Variants in TTC27 observed in about 807,000 individuals in gnomAD.
TTC27 encodes the protein tetratricopeptide repeat domain 27, also known as tetratricopeptide repeat protein 27.
TTC27 carries 79 observed loss-of-function variants against 115.9 expected under a neutral mutation model. The observed-to-expected ratio is 0.68, with a 90% CI of 0.57 to 0.82. The LOEUF is 0.82. TTC27 is among the 40% of genes least tolerant of loss of function. The pLI is 0.00. For missense variants in TTC27, 1,054 were observed against 993.1 expected (o/e 1.06, Z -0.82); for synonymous variants, 401 against 356.0 (o/e 1.13, Z -1.42).
At chr2:32,726,742 A>G (rs1290700608) in intron 10 of TTC27, among the ~76,000 whole-genome samples, 1 of 152,126 alleles carries the variant, frequency 6.6e-6, no homozygotes, top group Non-Finnish European at 1.5e-5. Flanking sequence ...ACTGGTACCA[A>G]TTTACTGTGT....
chr2:32,660,152 C>T (rs1665484072), intron 5 of TTC27, among the ~76,000 whole-genome samples: 1 of 152,148 alleles, frequency 6.6e-6, no homozygotes, highest in East Asian at 1.9e-4. Flanking sequence ...AGTGTTCCTA[C>T]TTCTCCACAT....
intron 16 of TTC27, among the ~76,000 whole-genome samples, chr2:32,805,110 C>T (rs917480572): frequency 4.6e-5 from 7 of 152,322 alleles, no homozygotes; most frequent in African/African-American, 1.4e-4. Flanking sequence ...GGATCCAGGA[C>T]TCAGACTGAA....
At chr2:32,743,969 G>T (rs545853059) in intron 12 of TTC27, among the ~76,000 whole-genome samples, 187 of 152,268 alleles carry the variant, frequency 1.2e-3, no homozygotes, top group African/African-American at 4.2e-3. Flanking sequence ...TGTGACTTTA[G>T]TATTAGTTCC....
chr2:32,737,761 G>A (rs11124292), intron 12 of TTC27, among the ~76,000 whole-genome samples: 24,739 of 152,030 alleles, frequency 0.16, 2,439 homozygotes, highest in South Asian at 0.36. Context: ...CTAACACCTC[G>A]AGAAGCTGAG....
rs547718057 is a variant in TTC27 at position 32,665,271 on chromosome 2, C to A, written c.805+804C>A. On this transcript the variant is annotated intron_variant, in intron 6 of 19. Transcript: ENST00000317907. ...CCTTTTGTTACATTGTGTGTGTGGGCAAAATTGTTTAATATCCAGCTTATA... is the reference window on the plus strand; with the variant it reads ...CCTTTTGTTACATTGTGTGTGTGGGAAAAATTGTTTAATATCCAGCTTATA... 4.6e-5 allele frequency among the ~76,000 whole-genome samples: 7 copies of A among 152,138 alleles called. No individual in the cohort carries two copies. In the East Asian group the frequency reaches 1.4e-3, roughly 29 times the overall value.
At chr2:32,719,864 C>T (rs1667866358) in intron 10 of TTC27, among the ~76,000 whole-genome samples, 1 of 152,092 alleles carries the variant, frequency 6.6e-6, no homozygotes, top group South Asian at 2.1e-4. Flanking sequence ...GGTTTATGCC[C>T]ACCTGCCACC....
intron 8 of TTC27, among the ~76,000 whole-genome samples, chr2:32,677,452 TTTC>T (rs1459267522): frequency 3.3e-5 from 5 of 151,986 alleles, no homozygotes; most frequent in African/African-American, 1.2e-4. Flanking sequence ...GCCAAACTGT[TTTC>T]TTCTTTTTTT....
chr2:32,817,736 C>A (rs1486157882), intron 19 of TTC27, among the ~76,000 whole-genome samples, 179 bp downstream of exon 19: 2 of 152,172 alleles, frequency 1.3e-5, no homozygotes, highest in Admixed American at 1.3e-4. Context: ...AATGGATAGA[C>A]CACTCTAAAT....
intron 13 of TTC27, among the ~76,000 whole-genome samples, chr2:32,770,456 G>A (rs1408720479): frequency 6.6e-6 from 1 of 152,192 alleles, no homozygotes; most frequent in Non-Finnish European, 1.5e-5. Flanking sequence ...ATGCTAGGAC[G>A]TAATGGCAGA....
At chr2:32,671,418 CCA>C (rs1396394067) in intron 7 of TTC27, among the ~76,000 whole-genome samples, 1 of 152,124 alleles carries the variant, frequency 6.6e-6, no homozygotes, top group African/African-American at 2.4e-5. Context: ...AAGCTTCCTC[CCA>C]CCTTGGCCTC....
chr2:32,749,278 A>C (rs557280587), intron 12 of TTC27, among the ~76,000 whole-genome samples: 3 of 152,306 alleles, frequency 2.0e-5, no homozygotes, highest in Admixed American at 6.5e-5. Flanking sequence ...GAGCTTTTCC[A>C]GGGAATCACT....
At chr2:32,818,058 C>CA (rs777610277) in intron 19 of TTC27, among the ~76,000 whole-genome samples, 1,686 of 132,884 alleles carry the variant, frequency 0.013, 13 homozygotes, top group Non-Finnish European at 0.019. Context: ...TACCATGTCC[C>CA]AAAAAAAAAA....
At chr2:32,656,754 C>G (rs181029993) in intron 5 of TTC27, among the ~76,000 whole-genome samples, 209 of 152,280 alleles carry the variant, frequency 1.4e-3, no homozygotes, top group African/African-American at 4.8e-3. Flanking sequence ...TTCTACCCAT[C>G]TTTTAAGGCC....
At chr2:32,796,007 A>G (rs1365943672) in intron 16 of TTC27, among the ~76,000 whole-genome samples, 1 of 152,322 alleles carries the variant, frequency 6.6e-6, no homozygotes, top group East Asian at 1.9e-4. Flanking sequence ...CCAAATTGGT[A>G]AGAAATAAAA....
At chr2:32,781,192 T>A (rs1199967722) in intron 14 of TTC27, among the ~76,000 whole-genome samples, 1 of 152,174 alleles carries the variant, frequency 6.6e-6, no homozygotes, top group Non-Finnish European at 1.5e-5. Context: ...GTTCCAGCAG[T>A]CAGGCTGCTT....
Position 32,666,855 on chromosome 2 carries a change from T to C in TTC27, c.939+87T>C, listed in dbSNP as rs935008575. 8.1e-5 allele frequency: 116 copies of C among 1,439,784 alleles called. 1 individual carries two copies. The highest frequency in any genetic ancestry group is 9.8e-5 in the Non-Finnish European group (105 of 1,067,286). The allele number at this position is 1,439,784 out of a possible 1,614,324, so 89.2% of individuals were successfully genotyped here. A position where few individuals can be genotyped will look rare whatever the true frequency, so the allele number is the denominator to read the frequency against. ...GAGTACCATAGAAACACTGAATGGG[T>C]TGGGGACAGACTTCATTTTATTCTT... is the stretch of plus-strand genomic sequence containing the variant. On this transcript the variant is annotated intron_variant, in intron 7 of 19. Coordinates refer to ENST00000317907, the MANE Select transcript of TTC27 (RefSeq NM_017735.5).
At chr2:32,656,334 G>A (rs1367405507) in intron 5 of TTC27, among the ~76,000 whole-genome samples, 1 of 152,150 alleles carries the variant, frequency 6.6e-6, no homozygotes, top group African/African-American at 2.4e-5. Flanking sequence ...TGAACCGGGA[G>A]GTCAGAGAAA....
chr2:32,726,460 T>G (rs949335564), intron 10 of TTC27, among the ~76,000 whole-genome samples: 3 of 152,188 alleles, frequency 2.0e-5, no homozygotes, highest in African/African-American at 7.2e-5. Context: ...ATGCCTCTAG[T>G]CTCTGTGCTA....
chr2:32,673,058 T>C, intron 8 of TTC27, among the ~76,000 whole-genome samples: 1 of 152,200 alleles, frequency 6.6e-6, no homozygotes, highest in East Asian at 1.9e-4. Flanking sequence ...ATGTATTACA[T>C]TTAGTTTTCT....
Sources: gnomAD v4.1 joint callset for allele counts (sites outside exome capture counted in the v4.1 genomes callset) on GRCh38, gnomAD v4.1.1 for gene constraint, MANE v1.5 for transcripts, NCBI Gene and HGNC (gene_info 2026-07-23, HGNC 2026-07-21) for gene names.